Variants in MAP2K5 observed in about 807,000 individuals in gnomAD.
MAP2K5 encodes the protein dual specificity mitogen-activated protein kinase kinase 5.
In MAP2K5, 49 loss-of-function variants were observed where a neutral mutation model predicts 83.1. The ratio of observed to expected loss-of-function variants is 0.59; its 90% confidence interval spans 0.47 to 0.75. MAP2K5 has a LOEUF of 0.75. MAP2K5 is among the 30% of genes least tolerant of loss of function. MAP2K5 has a pLI of 0.00. For synonymous variants in MAP2K5, 202 were observed against 191.8 expected (o/e 1.05, Z -0.44); for missense variants, 457 against 557.5 (o/e 0.82, Z 1.82).
At position 67,786,953 on chromosome 15, in the gene MAP2K5, C is replaced by T. The variant is rs2090429874; in HGVS notation, c.1242+14201C>T. Among the ~76,000 whole-genome samples the T allele has an allele frequency of 6.6e-6, 1 of 152,116 alleles. No homozygotes were observed. The highest frequency in any genetic ancestry group is 1.5e-5 in the Non-Finnish European group (1 of 68,026). On this transcript the variant is annotated intron_variant, in intron 21 of 21. Coordinates refer to ENST00000178640, the MANE Select transcript of MAP2K5 (RefSeq NM_145160.3). The surrounding 1 kb of genome is among the most constrained non-coding windows in gnomAD (Gnocchi z 4.7). The stretch of plus-strand genomic sequence containing the variant: ...TGGCACAGGCTGAGACCGGAGGGAA[C>T]AAGGACAGTGAAGAACCCACCCTAG...
At chr15:67,744,073 A>C (rs1187038871) in intron 17 of MAP2K5, among the ~76,000 whole-genome samples, 4 of 152,230 alleles carry the variant, frequency 2.6e-5, no homozygotes, top group Non-Finnish European at 5.9e-5. Context: ...AAGCAAAGTG[A>C]GTAGATTGAA....
intron 16 of MAP2K5, among the ~76,000 whole-genome samples, chr15:67,721,978 A>C (rs568069281): frequency 6.6e-6 from 1 of 152,332 alleles, no homozygotes; most frequent in East Asian, 1.9e-4. Flanking sequence ...AATAATAATA[A>C]AACAAACTAA....
In MAP2K5 at chr15:67,583,112, AT is replaced by A. The variant is rs1032108819; in HGVS notation, c.322+2292del. Among the ~76,000 whole-genome samples, 89 of 152,264 alleles carry A rather than the reference AT, an allele frequency of 5.8e-4. 1 individual carries two copies. Among genetic ancestry groups the A allele is most frequent in the Middle Eastern group, 3.4e-3 (1 of 294 alleles). Reference sequence around the variant, plus strand: ...TGCCTATTAGGTATTACTGTTTCCAATTTATAGATGAGAATATTGAGATTCA... The same window carrying A: ...TGCCTATTAGGTATTACTGTTTCCAATTATAGATGAGAATATTGAGATTCA... On this transcript the variant is annotated intron_variant, in intron 4 of 21. Transcript: ENST00000178640.
intron 21 of MAP2K5, among the ~76,000 whole-genome samples, chr15:67,787,032 C>T (rs781282306): frequency 6.6e-6 from 1 of 152,160 alleles, no homozygotes; most frequent in Non-Finnish European, 1.5e-5. Context: ...TGCATGGGGC[C>T]AGTGTGATCT....
chr15:67,639,819 C>G (rs1263044576), intron 9 of MAP2K5, among the ~76,000 whole-genome samples: 1 of 152,190 alleles, frequency 6.6e-6, no homozygotes, highest in Admixed American at 6.5e-5. Flanking sequence ...CTTTGATTCA[C>G]GTATTCCTCT....
In MAP2K5 at chr15:67,779,243, C is replaced by T. The variant is rs1360294104; in HGVS notation, c.1242+6491C>T. 6.6e-6 allele frequency among the ~76,000 whole-genome samples: 1 copy of T among 152,082 alleles called. No homozygotes were observed. The highest frequency in any genetic ancestry group is 1.5e-5 in the Non-Finnish European group (1 of 68,030). ...TTTAAGTTCTGAAGGCCATTAAAAT[C>T]ATCTGTTTGTGTCTGCTTATAAAGA... On this transcript the variant is annotated intron_variant, in intron 21 of 21. Coordinates refer to ENST00000178640, the MANE Select transcript of MAP2K5 (RefSeq NM_145160.3). This position sits in a 1 kb window ranked among gnomAD's most constrained non-coding sequence, Gnocchi z 4.6.
intron 6 of MAP2K5, 95 bp from the exon 7 acceptor site, chr15:67,592,831 A>G (rs981147345): frequency 3.5e-6 from 3 of 845,376 alleles, no homozygotes; most frequent in Non-Finnish European, 5.9e-6. Flanking sequence ...CTCAATCCCT[A>G]TATGTAAAAG....
chr15:67,634,383 A>AAAC (rs2086548769), intron 9 of MAP2K5, among the ~76,000 whole-genome samples: 1 of 64,052 alleles, frequency 1.6e-5, no homozygotes, highest in Non-Finnish European at 2.9e-5. Flanking sequence ...AAAAAAAAAA[A>AAAC]AAAAAAAAAA....
chr15:67,666,803 C>A (rs2087392163), intron 13 of MAP2K5, among the ~76,000 whole-genome samples: 1 of 152,146 alleles, frequency 6.6e-6, no homozygotes, highest in South Asian at 2.1e-4. Context: ...ACAGTAGGAA[C>A]AGTGGTAGAG....
At chr15:67,639,191 C>T (rs2086662244) in intron 9 of MAP2K5, among the ~76,000 whole-genome samples, 1 of 152,148 alleles carries the variant, frequency 6.6e-6, no homozygotes, top group Non-Finnish European at 1.5e-5. Context: ...AACAGACAGC[C>T]TACAGAATGG....
At chr15:67,805,938 A>G (rs2090795661) in intron 21 of MAP2K5, among the ~76,000 whole-genome samples, 1 of 152,212 alleles carries the variant, frequency 6.6e-6, no homozygotes, top group Non-Finnish European at 1.5e-5. Context: ...GTGCTTCAGG[A>G]CAGCAGAGAA....
chr15:67,777,407 G>A lies in MAP2K5; in HGVS notation c.1242+4655G>A, dbSNP rs2090258007. Among the ~76,000 whole-genome samples the A allele has an allele frequency of 6.6e-6, 1 of 152,186 alleles. No individual in the cohort carries two copies. Among genetic ancestry groups the A allele is most frequent in the Non-Finnish European group, 1.5e-5 (1 of 68,024 alleles). On this transcript the variant is annotated intron_variant, in intron 21 of 21. Coordinates refer to ENST00000178640, the MANE Select transcript of MAP2K5 (RefSeq NM_145160.3). This position sits in a 1 kb window ranked among gnomAD's most constrained non-coding sequence, Gnocchi z 6.0. ...GGAATCTATGCATAGTAAGTAATCA[G>A]GTCAGAAGAAGCAGCATCCCGGTTT...
In MAP2K5 at chr15:67,563,311, A is replaced by C. The variant is rs1264093495; in HGVS notation, c.213A>C (p.Thr71=). Residue 71 remains threonine, a synonymous_variant, in exon 3 of 22, where the codon ACA becomes ACC. Transcript: ENST00000178640. The surrounding 1 kb of genome is among the most constrained non-coding windows in gnomAD (Gnocchi z 4.5). ...AAGATGAAGATGGTGATCGAATTAC[A>C]GTGAGAAGTGATGAGGAAATGAAGG... ...EYEDEDGDRI[T]VRSDEEMKAM... The C allele has an allele frequency of 1.2e-6, 2 of 1,610,430 alleles. No individual in the cohort carries two copies. Among genetic ancestry groups the C allele is most frequent in the Non-Finnish European group, 1.7e-6 (2 of 1,177,942 alleles).
rs1301984833 is a variant in MAP2K5 at position 67,702,382 on chromosome 15, G to A, written c.973-955G>A. Among the ~76,000 whole-genome samples the A allele has an allele frequency of 2.6e-5, 4 of 152,162 alleles. No individual in the cohort carries two copies. Among genetic ancestry groups the A allele is most frequent in the African/African-American group, 4.8e-5 (2 of 41,428 alleles). Reference sequence around the variant, plus strand: ...TGACAATAATGTTATTCCTGTAGCCGGCTAGCCAGTTCCATATGAATACAT... The same window carrying A: ...TGACAATAATGTTATTCCTGTAGCCAGCTAGCCAGTTCCATATGAATACAT... On this transcript the variant is annotated intron_variant, in intron 15 of 21. Coordinates refer to ENST00000178640, the MANE Select transcript of MAP2K5 (RefSeq NM_145160.3). The surrounding 1 kb of genome is among the most constrained non-coding windows in gnomAD (Gnocchi z 4.6).
intron 6 of MAP2K5, among the ~76,000 whole-genome samples, chr15:67,588,985 GT>G (rs532048235): frequency 3.8e-3 from 556 of 148,120 alleles, no homozygotes; most frequent in Non-Finnish European, 6.3e-3. Flanking sequence ...CTGATTAAGT[GT>G]TTTTTTTTTA....
intron 6 of MAP2K5, among the ~76,000 whole-genome samples, chr15:67,590,721 T>C (rs1217414753): frequency 6.6e-6 from 1 of 152,158 alleles, no homozygotes; most frequent in African/African-American, 2.4e-5. Context: ...CCCAAAGTGC[T>C]GGGATTACAG....
At chr15:67,699,377 T>C (rs2088352722) in intron 15 of MAP2K5, among the ~76,000 whole-genome samples, 1 of 152,160 alleles carries the variant, frequency 6.6e-6, no homozygotes, top group Admixed American at 6.5e-5. Context: ...GAAGCCTAAA[T>C]GGCTAACCTC....
At chr15:67,593,987 A>G (rs1215153336) in intron 7 of MAP2K5, among the ~76,000 whole-genome samples, 2 of 152,220 alleles carry the variant, frequency 1.3e-5, no homozygotes, top group African/African-American at 4.8e-5. Context: ...ATAGATGTGC[A>G]TGCCTTAAAA....
intron 16 of MAP2K5, among the ~76,000 whole-genome samples, chr15:67,710,792 C>T (rs1023119641): frequency 2.4e-4 from 37 of 152,184 alleles, no homozygotes; most frequent in African/African-American, 8.2e-4. Context: ...GCATGAGCCA[C>T]GGCACCTGGC....
Sources: gnomAD v4.1 joint callset for allele counts (sites outside exome capture counted in the v4.1 genomes callset) on GRCh38, gnomAD v4.1.1 for gene constraint, Gnocchi (gnomAD v3.1) non-coding constraint, MANE v1.5 for transcripts, NCBI Gene and HGNC (gene_info 2026-07-23, HGNC 2026-07-21) for gene names.